NFIB: variants seen among roughly 807,000 people sequenced by gnomAD.
NFIB encodes the protein nuclear factor I B.
Under a neutral mutation model 61.5 loss-of-function variants are expected in NFIB, and 11 were observed. That is an observed-to-expected ratio of 0.18 (90% CI 0.11 to 0.30). NFIB has a LOEUF of 0.30. NFIB is among the 10% of genes least tolerant of loss of function. The pLI is 1.00. For missense variants in NFIB, 471 were observed against 608.9 expected (o/e 0.77, Z 2.38); for synonymous variants, 260 against 216.5 (o/e 1.20, Z -1.76).
the NFIB span, among the ~76,000 whole-genome samples, chr9:14,434,101 C>T: frequency 2.0e-5 from 3 of 152,138 alleles, no homozygotes; most frequent in African/African-American, 7.2e-5. Flanking sequence ...TGCCTAAATA[C>T]GTACATTTTC....
At chr9:14,373,603 T>C (rs768151323) in intron 1 of NFIB, among the ~76,000 whole-genome samples, 8 of 152,066 alleles carry the variant, frequency 5.3e-5, no homozygotes, top group Non-Finnish European at 1.2e-4. Flanking sequence ...TACAGTTTCT[T>C]GTAGAAAGAC....
At chr9:14,209,104 A>G (rs2050048059) in intron 2 of NFIB, among the ~76,000 whole-genome samples, 1 of 152,212 alleles carries the variant, frequency 6.6e-6, no homozygotes, top group Admixed American at 6.5e-5. Flanking sequence ...TCATCAATAC[A>G]TCACAGCCCA....
In NFIB at chr9:14,087,588, T is replaced by A; in HGVS notation, c.*721A>T. ...CCTTTTTTCTTTTTTTCCTTTTTTT[T>A]TCATTTTTTCTTTTTTTAAGATTTC... is the stretch of plus-strand genomic sequence containing the variant. On this transcript the variant is annotated 3_prime_UTR_variant, in exon 11 of 11. Coordinates refer to ENST00000380953, the MANE Select transcript of NFIB (RefSeq NM_001190737.2). 1 of 226,994 alleles carries A rather than the reference T, an allele frequency of 4.4e-6. No homozygotes were observed. Among genetic ancestry groups the A allele is most frequent in the East Asian group, 6.3e-5 (1 of 15,778 alleles). The allele number at this position is 226,994 out of a possible 1,614,324, so 14.1% of individuals were successfully genotyped here. A position where few individuals can be genotyped will look rare whatever the true frequency, so the allele number is the denominator to read the frequency against.
At chr9:14,176,201 G>T (rs2046169149) in intron 3 of NFIB, among the ~76,000 whole-genome samples, 1 of 149,016 alleles carries the variant, frequency 6.7e-6, no homozygotes, top group Non-Finnish European at 1.5e-5. Context: ...AGAGTTGTTT[G>T]CTATAACCAA....
chr9:14,337,670 A>T (rs1033984385), intron 1 of NFIB, among the ~76,000 whole-genome samples: 5 of 152,238 alleles, frequency 3.3e-5, no homozygotes, highest in Non-Finnish European at 5.9e-5. Context: ...ACACATGCCC[A>T]GGCCACACGT....
chr9:14,442,839 A>G, the NFIB span, among the ~76,000 whole-genome samples: 24 of 152,224 alleles, frequency 1.6e-4, no homozygotes, highest in South Asian at 2.3e-3. Flanking sequence ...ATGAGCTGCT[A>G]TTTTTATTAG....
chr9:14,312,392 T>G (rs1259081159), intron 1 of NFIB, among the ~76,000 whole-genome samples: 1 of 152,230 alleles, frequency 6.6e-6, no homozygotes, highest in Non-Finnish European at 1.5e-5. Flanking sequence ...TTCATGGCAA[T>G]GTCAAAGAAA....
the NFIB span, among the ~76,000 whole-genome samples, chr9:14,439,982 G>T: frequency 2.0e-5 from 3 of 152,206 alleles, no homozygotes; most frequent in African/African-American, 4.8e-5. Flanking sequence ...TGGAAGGAGA[G>T]GGGGTGGCTG....
At chr9:14,228,827 C>T (rs973076997) in intron 2 of NFIB, among the ~76,000 whole-genome samples, 1 of 151,940 alleles carries the variant, frequency 6.6e-6, no homozygotes, top group Non-Finnish European at 1.5e-5. Context: ...TTCACATGAA[C>T]CCAAACCAAA....
chr9:14,222,705 G>A (rs1357127742), intron 2 of NFIB, among the ~76,000 whole-genome samples: 1 of 143,784 alleles, frequency 7.0e-6, no homozygotes, highest in African/African-American at 2.6e-5. Flanking sequence ...TGAGCTGGGA[G>A]GATGGCTTAA....
chr9:14,421,646 C>G, the NFIB span, among the ~76,000 whole-genome samples: 1 of 152,184 alleles, frequency 6.6e-6, no homozygotes, highest in Non-Finnish European at 1.5e-5. Flanking sequence ...AACCAATGGA[C>G]AGAGGATCCA....
the NFIB span, among the ~76,000 whole-genome samples, chr9:14,500,960 G>A: frequency 6.6e-6 from 1 of 152,218 alleles, no homozygotes; most frequent in Admixed American, 6.5e-5. Flanking sequence ...GACAAGGAAA[G>A]TTTTCAGTTC....
At chr9:14,482,400 C>T in the NFIB span, among the ~76,000 whole-genome samples, 1 of 152,170 alleles carries the variant, frequency 6.6e-6, no homozygotes, top group South Asian at 2.1e-4. Flanking sequence ...ATGCATCCCG[C>T]TCTCTGGAGT....
At chr9:14,334,308 G>C (rs1271106734) in intron 1 of NFIB, among the ~76,000 whole-genome samples, 4 of 152,246 alleles carry the variant, frequency 2.6e-5, no homozygotes, top group Non-Finnish European at 4.4e-5. Flanking sequence ...TTCCAAAGTG[G>C]ATGTAGTAAT....
At chr9:14,445,985 A>G in the NFIB span, among the ~76,000 whole-genome samples, 1 of 152,112 alleles carries the variant, frequency 6.6e-6, no homozygotes, top group Admixed American at 6.6e-5. Flanking sequence ...TATTGATTTA[A>G]TCTTCATTTC....
chr9:14,157,129 T>C (rs927412788), intron 3 of NFIB, among the ~76,000 whole-genome samples: 1 of 152,144 alleles, frequency 6.6e-6, no homozygotes, highest in African/African-American at 2.4e-5. Context: ...TTGTTACTAC[T>C]GGAGATAAAA....
chr9:14,500,664 C>G, the NFIB span, among the ~76,000 whole-genome samples: 1 of 152,118 alleles, frequency 6.6e-6, no homozygotes. Flanking sequence ...AACAAAAAAT[C>G]CAACTCAATA....
the NFIB span, among the ~76,000 whole-genome samples, chr9:14,419,507 T>C: frequency 4.6e-5 from 7 of 152,308 alleles, no homozygotes; most frequent in South Asian, 2.1e-4. Flanking sequence ...TTGAATGCTC[T>C]GCTGTAGCCA....
chr9:14,182,763 T>C (rs961540586), intron 2 of NFIB, among the ~76,000 whole-genome samples: 15 of 146,004 alleles, frequency 1.0e-4, no homozygotes, highest in Admixed American at 6.2e-4. Context: ...TGTGTGTATT[T>C]AATATGTTAC....
Sources: gnomAD v4.1 joint callset for allele counts (sites outside exome capture counted in the v4.1 genomes callset) on GRCh38, gnomAD v4.1.1 for gene constraint, MANE v1.5 for transcripts, NCBI Gene and HGNC (gene_info 2026-07-23, HGNC 2026-07-21) for gene names.